PRTG: variants seen among roughly 807,000 people sequenced by gnomAD.
PRTG encodes the protein immunoglobulin superfamily, DCC subclass, member 5.
Under a neutral mutation model 122.5 loss-of-function variants are expected in PRTG, and 67 were observed. The ratio of observed to expected loss-of-function variants is 0.55; its 90% CI spans 0.45 to 0.67. The LOEUF (loss-of-function observed/expected upper bound fraction) is 0.67. Ranked by LOEUF, PRTG falls within the 30% of genes least tolerant of loss-of-function variation. PRTG has a pLI of 0.00. For synonymous variants in PRTG, 554 were observed against 501.1 expected (o/e 1.11, Z -1.41); for missense variants, 1,435 against 1,415.4 (o/e 1.01, Z -0.22).
At chr15:55,730,872 A>G (rs768534177) in intron 2 of PRTG, among the ~76,000 whole-genome samples, 1 of 152,212 alleles carries the variant, frequency 6.6e-6, no homozygotes, top group Non-Finnish European at 1.5e-5. Flanking sequence ...CCCTTGAGAA[A>G]GGCACTTACC....
chr15:55,648,237 T>A (rs1011417416), intron 11 of PRTG, among the ~76,000 whole-genome samples: 3 of 152,154 alleles, frequency 2.0e-5, no homozygotes, highest in Non-Finnish European at 4.4e-5. Flanking sequence ...ATTAATTCAA[T>A]CTGTTATTAA....
At chr15:55,703,375 T>C (rs2029964077) in intron 2 of PRTG, among the ~76,000 whole-genome samples, 1 of 152,148 alleles carries the variant, frequency 6.6e-6, no homozygotes, top group Non-Finnish European at 1.5e-5. Flanking sequence ...AGCTACCCCT[T>C]GGCTCATGTT....
At chr15:55,724,728 A>G (rs2030962343) in intron 2 of PRTG, among the ~76,000 whole-genome samples, 1 of 152,216 alleles carries the variant, frequency 6.6e-6, no homozygotes, top group South Asian at 2.1e-4. Flanking sequence ...ATGGCACTCC[A>G]GCCTAGGCAA....
chr15:55,663,863 T>C (rs893622757), intron 11 of PRTG, among the ~76,000 whole-genome samples: 2 of 151,826 alleles, frequency 1.3e-5, no homozygotes, highest in East Asian at 1.9e-4. Flanking sequence ...TTTTCAAGAG[T>C]GTCATATGAA....
chr15:55,685,000 T>C (rs2141820279), intron 2 of PRTG, among the ~76,000 whole-genome samples: 1 of 152,268 alleles, frequency 6.6e-6, no homozygotes, highest in East Asian at 1.9e-4. Flanking sequence ...GTGTCCATGA[T>C]CACATTTTGA....
chr15:55,634,350 G>A (rs546796374), intron 15 of PRTG, among the ~76,000 whole-genome samples: 4 of 152,206 alleles, frequency 2.6e-5, no homozygotes, highest in African/African-American at 9.6e-5. Context: ...TTACAGGCGT[G>A]AGCCACTGCA....
At chr15:55,681,879 T>G (rs1353642591) in intron 4 of PRTG, among the ~76,000 whole-genome samples, 1 of 152,198 alleles carries the variant, frequency 6.6e-6, no homozygotes, top group Non-Finnish European at 1.5e-5. Flanking sequence ...TCAGTATCTG[T>G]GGGTTGCACA....
At chr15:55,644,130 C>T (rs1243731766) in intron 11 of PRTG, among the ~76,000 whole-genome samples, 5 of 152,152 alleles carry the variant, frequency 3.3e-5, no homozygotes, top group South Asian at 2.1e-4. Context: ...TGAGCCAGCA[C>T]GCCCAGCTGA....
chr15:55,638,855 G>C (rs1346922978), intron 13 of PRTG, among the ~76,000 whole-genome samples, 179 bp from the exon 14 acceptor site: 1 of 152,090 alleles, frequency 6.6e-6, no homozygotes, highest in African/African-American at 2.4e-5. Flanking sequence ...ACTACATTTG[G>C]TATTGTCCTG....
chr15:55,675,485 C>G, intron 9 of PRTG, 34 bp downstream of exon 9: 1 of 1,452,066 alleles, frequency 6.9e-7, no homozygotes, highest in Non-Finnish European at 9.5e-7. Context: ...TACGAATGTT[C>G]ATACTGAAAT....
In PRTG at chr15:55,612,254, C is replaced by T. The variant is rs978652103; in HGVS notation, c.*7758G>A. ...AACAGGAAACAGAATATTTCAAGGT[C>T]AAGATTTGTAATATTTTTGTTTTTA... On this transcript the variant is annotated 3_prime_UTR_variant, in exon 20 of 20. Coordinates refer to ENST00000389286, the MANE Select transcript of PRTG (RefSeq NM_173814.6). 1.3e-4 allele frequency: 19 copies of T among 151,912 alleles called. No homozygotes were observed. Among genetic ancestry groups the T allele is most frequent in the African/African-American group, 4.1e-4 (17 of 41,454 alleles). 9.4% of individuals were successfully genotyped at this position (151,912 alleles called of 1,614,324 possible).
chr15:55,672,184 C>T (rs185914122), intron 11 of PRTG, among the ~76,000 whole-genome samples: 9 of 152,194 alleles, frequency 5.9e-5, no homozygotes, highest in East Asian at 1.9e-4. Context: ...CAGAAGTGAA[C>T]GCCACAAAGA....
intron 18 of PRTG, among the ~76,000 whole-genome samples, chr15:55,623,831 T>C (rs2059179778): frequency 6.6e-6 from 1 of 152,214 alleles, no homozygotes. Context: ...TCTGTACAAC[T>C]TTCTTCAGCC....
chr15:55,619,439 C>CAGAT lies in PRTG; in HGVS notation c.*572_*573insATCT, dbSNP rs1324415973. 6.5e-6 allele frequency: 1 copy of CAGAT among 153,038 alleles called. No homozygotes were observed. Among genetic ancestry groups the CAGAT allele is most frequent in the Non-Finnish European group, 1.5e-5 (1 of 68,416 alleles). The allele number at this position is 153,038 out of a possible 1,614,324, so 9.5% of individuals were successfully genotyped here. On this transcript the variant is annotated 3_prime_UTR_variant, in exon 20 of 20. Coordinates refer to ENST00000389286, the MANE Select transcript of PRTG (RefSeq NM_173814.6). ...AGAGCTTCAGATAAACATTCTTACT[C>CAGAT]ATCTACCTATATGACTCCTTTGATC... is the stretch of plus-strand genomic sequence containing the variant.
intron 12 of PRTG, among the ~76,000 whole-genome samples, chr15:55,640,435 T>C (rs561742805): frequency 6.6e-6 from 1 of 152,130 alleles, no homozygotes; most frequent in African/African-American, 2.4e-5. Context: ...TGATAACAGA[T>C]TGGAAGGCAG....
At chr15:55,720,797 T>C (rs773188333) in intron 2 of PRTG, among the ~76,000 whole-genome samples, 6 of 152,200 alleles carry the variant, frequency 3.9e-5, no homozygotes, top group Admixed American at 1.3e-4. Context: ...TGATAGGTGA[T>C]GAGCTAAAAA....
chr15:55,637,337 G>A lies in PRTG; in HGVS notation c.2456C>T (p.Pro819Leu), dbSNP rs2059263474. 6.2e-7 allele frequency: 1 copy of A among 1,610,248 alleles called. No individual in the cohort carries two copies. The change falls in exon 15 of 20, where the codon CCA (proline) becomes CTA (leucine). Residue 819 changes from proline (P) to leucine (L), a missense_variant. Pro to Leu is a moderately conservative substitution (Grantham distance 98, BLOSUM62 -3). Transcript: ENST00000389286. ...VVYHSTLPEA[P>L]AGPPVGVKVT... ...TTTTACTCCAACTGGTGGGCCTGCT[G>A]GTGCTGTGCAGACACAACAAAACAT...
At chr15:55,664,090 T>C (rs2059424463) in intron 11 of PRTG, among the ~76,000 whole-genome samples, 1 of 152,196 alleles carries the variant, frequency 6.6e-6, no homozygotes, top group Non-Finnish European at 1.5e-5. Flanking sequence ...AATAGAGCTA[T>C]ACATTTGTGT....
rs200565741 is a variant in PRTG at position 55,680,200 on chromosome 15, A to G, written c.827T>C (p.Ile276Thr). The G allele has an allele frequency of 1.5e-4, 235 of 1,609,200 alleles. No homozygotes were observed. The highest frequency in any genetic ancestry group is 1.8e-4 in the Non-Finnish European group (215 of 1,175,862). Reference protein sequence around the residue: ...ISWSRLDHKSIDVFNTRVLGN... With the variant: ...ISWSRLDHKSTDVFNTRVLGN... Reference sequence around the variant, plus strand: ...AAGTACCCGAGTATTAAAGACATCAATGGATTTGTGATCTATTTCAAAGAG... The same window carrying G: ...AAGTACCCGAGTATTAAAGACATCAGTGGATTTGTGATCTATTTCAAAGAG... The change falls in exon 6 of 20, where the codon ATT (isoleucine) becomes ACT (threonine). Residue 276 changes from isoleucine (I) to threonine (T), a missense_variant. Ile to Thr is a moderately conservative substitution (Grantham distance 89). Transcript: ENST00000389286.
Sources: gnomAD v4.1 joint callset for allele counts (sites outside exome capture counted in the v4.1 genomes callset) on GRCh38, gnomAD v4.1.1 for gene constraint, MANE v1.5 for transcripts, NCBI Gene and HGNC (gene_info 2026-07-23, HGNC 2026-07-21) for gene names.